Variants in STAMBP observed in about 807,000 individuals in gnomAD.
STAMBP encodes STAM-binding protein.
STAMBP carries 31 observed loss-of-function variants against 50.7 expected under a neutral mutation model. The observed-to-expected ratio is 0.61, with a 90% confidence interval of 0.46 to 0.83. The LOEUF (loss-of-function observed/expected upper bound fraction) is 0.83. STAMBP is among the 40% of genes least tolerant of loss of function. The probability of loss-of-function intolerance (pLI) is 0.00; values close to 1 mark genes in which losing one functional copy is unlikely to be tolerated. For missense variants in STAMBP, 472 were observed against 518.9 expected (o/e 0.91, Z 0.88); for synonymous variants, 211 against 192.4 (o/e 1.10, Z -0.80).
rs146316622 is a variant in STAMBP, at chr2:73,845,792, C to T, written c.375+530C>T. On this transcript the variant is annotated intron_variant, in intron 4 of 9. Coordinates refer to ENST00000394070, the MANE Select transcript of STAMBP (RefSeq NM_213622.4). ...GACTACAGGCATCCGCCACCATACC[C>T]GGCTAATTTTTGTATTTTTAGTAGA... 8.2e-3 allele frequency among the ~76,000 whole-genome samples: 1,243 copies of T among 152,128 alleles called. 8 individuals carry two copies. The highest frequency in any genetic ancestry group is 0.012 in the Non-Finnish European group (814 of 67,970).
intron 9 of STAMBP, 64 bp from the exon 10 acceptor site, chr2:73,862,139 G>GAA (rs371779071): frequency 2.2e-3 from 2,663 of 1,197,972 alleles, no homozygotes; most frequent in African/African-American, 3.8e-3. Context: ...CCTATATGAA[G>GAA]AAAAAAAAAA....
At chr2:73,851,868 G>A (rs1399700158) in intron 7 of STAMBP, among the ~76,000 whole-genome samples, 2 of 152,084 alleles carry the variant, frequency 1.3e-5, no homozygotes, top group Non-Finnish European at 2.9e-5. Flanking sequence ...TCGAACTACT[G>A]ATCTCAGGTG....
At chr2:73,847,894 C>T in intron 5 of STAMBP, 141 bp downstream of exon 5, 1 of 1,144,028 alleles carries the variant, frequency 8.7e-7, no homozygotes, top group Non-Finnish European at 1.2e-6. Flanking sequence ...TATTGCTGTA[C>T]TGTGTCCTAA....
At chr2:73,862,177 T>A in intron 9 of STAMBP, 26 bp from the exon 10 acceptor site, 2 of 1,584,438 alleles carry the variant, frequency 1.3e-6, no homozygotes, top group South Asian at 1.2e-5. Flanking sequence ...TTTCTAGGAC[T>A]CCACCTTTCT....
At chr2:73,859,152 A>G in intron 7 of STAMBP, 102 bp from the exon 8 acceptor site, 1 of 797,698 alleles carries the variant, frequency 1.3e-6, no homozygotes, top group Non-Finnish European at 2.2e-6. Flanking sequence ...TTCAGATTGC[A>G]GTTGATATGG....
intron 9 of STAMBP, among the ~76,000 whole-genome samples, 191 bp from the exon 10 acceptor site, chr2:73,862,012 C>G (rs1678388716): frequency 1.3e-5 from 2 of 152,102 alleles, no homozygotes; most frequent in Admixed American, 1.3e-4. Context: ...TGGCTCGTGC[C>G]TGTAATCCCA....
At chr2:73,846,964 C>T (rs1283972803) in intron 4 of STAMBP, among the ~76,000 whole-genome samples, 1 of 151,724 alleles carries the variant, frequency 6.6e-6, no homozygotes, top group Non-Finnish European at 1.5e-5. Context: ...CACCTGTGGT[C>T]CCACCTACTC....
intron 2 of STAMBP, among the ~76,000 whole-genome samples, chr2:73,841,838 G>T (rs1167475164): frequency 2.0e-5 from 3 of 152,084 alleles, no homozygotes; most frequent in Non-Finnish European, 2.9e-5. Flanking sequence ...TGAGTAATGG[G>T]GTATGTTGCC....
chr2:73,858,828 T>A (rs973756420), intron 7 of STAMBP, among the ~76,000 whole-genome samples: 1 of 152,200 alleles, frequency 6.6e-6, no homozygotes, highest in African/African-American at 2.4e-5. Flanking sequence ...GACCAGCTGT[T>A]GAGAACTGTT....
At chr2:73,834,214 A>G (rs1403156587) in intron 2 of STAMBP, among the ~76,000 whole-genome samples, 14 of 12,912 alleles carry the variant, frequency 1.1e-3, no homozygotes, top group African/African-American at 5.9e-3. Context: ...TGTCTTAAAA[A>G]AAAAAAAAAA....
intron 2 of STAMBP, among the ~76,000 whole-genome samples, chr2:73,833,173 G>A (rs951656017): frequency 3.9e-5 from 6 of 152,226 alleles, no homozygotes; most frequent in Non-Finnish European, 8.8e-5. Context: ...GCAGGCTTTA[G>A]CCTCCAATTG....
chr2:73,867,139 G>A lies in STAMBP; in HGVS notation c.*4880G>A, dbSNP rs1221796948. 6.6e-6 allele frequency: 1 copy of A among 152,192 alleles called. No individual in the cohort carries two copies. Among genetic ancestry groups the A allele is most frequent in the Non-Finnish European group, 1.5e-5 (1 of 68,044 alleles). The allele number at this position is 152,192 out of a possible 1,614,324, so 9.4% of individuals were successfully genotyped here. A position where few individuals can be genotyped will look rare whatever the true frequency, so the allele number is the denominator to read the frequency against. ...GACATGGAATAAGATATGAATAAAT[G>A]CACAGACTTGTCCAAAATCATCCAA... On this transcript the variant is annotated 3_prime_UTR_variant, in exon 10 of 10. Transcript: ENST00000394070.
rs1678594163 is a variant in STAMBP at position 73,863,652 on chromosome 2, T to C, written c.*1393T>C. On this transcript the variant is annotated 3_prime_UTR_variant, in exon 10 of 10. Transcript: ENST00000394070. Reference sequence around the variant, plus strand: ...GGTATGGGTGGGTCTGGGGGCCAGCTGGGCTTGGACAAGCCATTTCCTGCT... The same window carrying C: ...GGTATGGGTGGGTCTGGGGGCCAGCCGGGCTTGGACAAGCCATTTCCTGCT... 6.6e-6 allele frequency: 1 copy of C among 152,290 alleles called. No individual in the cohort carries two copies. Among genetic ancestry groups the C allele is most frequent in the Admixed American group, 6.5e-5 (1 of 15,278 alleles). 9.4% of individuals were successfully genotyped at this position (152,290 alleles called of 1,614,324 possible). A position where few individuals can be genotyped will look rare whatever the true frequency, so the allele number is the denominator to read the frequency against.
In STAMBP at chr2:73,849,383, C is replaced by A; in HGVS notation, c.763C>A (p.Arg255Ser). Residue 255 changes from arginine to serine, a missense_variant, in exon 6 of 10, where the codon CGC becomes AGC. Transcript: ENST00000394070. ...TACAGTTCCCACAATCGATGGATTG[C>A]GCCATGTGGTGGTGCCTGGGCGGCT... Reference protein sequence around the residue: ...SESIPTIDGLRHVVVPGRLCP... With the variant: ...SESIPTIDGLSHVVVPGRLCP... The A allele has an allele frequency of 6.2e-7, 1 of 1,613,992 alleles. No individual in the cohort carries two copies.
intron 1 of STAMBP, among the ~76,000 whole-genome samples, 193 bp from the exon 2 acceptor site, chr2:73,830,652 C>G (rs1673787249): frequency 6.6e-6 from 1 of 152,230 alleles, no homozygotes; most frequent in Non-Finnish European, 1.5e-5. Context: ...TGCCAGTACT[C>G]TCATCGTTGT....
intron 7 of STAMBP, chr2:73,855,731 G>A (rs538060319): frequency 8.8e-6 from 4 of 456,036 alleles, no homozygotes; most frequent in African/African-American, 6.0e-5. Flanking sequence ...TTCTTCCACA[G>A]TGAGCTCATC....
chr2:73,846,401 G>A (rs989746501), intron 4 of STAMBP, among the ~76,000 whole-genome samples: 1 of 150,994 alleles, frequency 6.6e-6, no homozygotes, highest in Non-Finnish European at 1.5e-5. Context: ...AGGAGTTCGA[G>A]ACCAGCCTGG....
intron 10 of STAMBP, among the ~76,000 whole-genome samples, chr2:73,872,236 A>T (rs894233412): frequency 6.6e-5 from 10 of 152,184 alleles, no homozygotes; most frequent in African/African-American, 2.4e-4. Context: ...TCTACGCCAC[A>T]TGCACTGAGA....
chr2:73,869,445 T>C (rs1239931538), downstream of STAMBP, among the ~76,000 whole-genome samples: 7 of 152,220 alleles, frequency 4.6e-5, no homozygotes, highest in Non-Finnish European at 1.0e-4. Flanking sequence ...ATTTTAAAGA[T>C]GCTACGTCTT....
Sources: gnomAD v4.1 joint callset for allele counts (sites outside exome capture counted in the v4.1 genomes callset) on GRCh38, gnomAD v4.1.1 for gene constraint, MANE v1.5 for transcripts, NCBI Gene and HGNC (gene_info 2026-07-23, HGNC 2026-07-21) for gene names.